NEDD9: variants seen among roughly 807,000 people sequenced by gnomAD.
The protein encoded by NEDD9 is enhancer of filamentation 1.
A neutral mutation model predicts 76.6 loss-of-function variants in NEDD9; 26 were observed. That is an observed-to-expected ratio of 0.34 (90% CI 0.25 to 0.47). The LOEUF is 0.47. Ranked by LOEUF, NEDD9 falls within the 20% of genes least tolerant of loss-of-function variation. The pLI, the probability that NEDD9 is intolerant of heterozygous loss-of-function variation, is 1.00. For synonymous variants in NEDD9, 392 were observed against 414.2 expected (o/e 0.95, Z 0.65); for missense variants, 937 against 1,058.5 (o/e 0.89, Z 1.59).
chr6:11,362,067 C>A (rs919302443), intron 1 of NEDD9, among the ~76,000 whole-genome samples: 1 of 152,142 alleles, frequency 6.6e-6, no homozygotes, highest in African/African-American at 2.4e-5. Context: ...AAGTCCCAAC[C>A]CGCAATGTGA....
At chr6:11,335,213 A>G (rs1762131512) in intron 1 of NEDD9, among the ~76,000 whole-genome samples, 1 of 152,214 alleles carries the variant, frequency 6.6e-6, no homozygotes, top group East Asian at 1.9e-4. Context: ...GTGACATGCA[A>G]TGAAAAGTGG....
chr6:11,295,153 G>A (rs747577330), intron 3 of NEDD9, among the ~76,000 whole-genome samples: 1 of 151,992 alleles, frequency 6.6e-6, no homozygotes, highest in Non-Finnish European at 1.5e-5. Flanking sequence ...TTAGCAGTGT[G>A]AGAACAGACT....
At chr6:11,369,983 C>T (rs751664236) in intron 1 of NEDD9, among the ~76,000 whole-genome samples, 1 of 152,198 alleles carries the variant, frequency 6.6e-6, no homozygotes, top group Non-Finnish European at 1.5e-5. Flanking sequence ...CCAAGTGGCT[C>T]TTCTGTGCAA....
intron 2 of NEDD9, among the ~76,000 whole-genome samples, chr6:11,314,378 A>C (rs1040671766): frequency 3.4e-4 from 52 of 152,186 alleles, no homozygotes; most frequent in Non-Finnish European, 5.9e-5. Context: ...TAGGAAAGGA[A>C]AATAACTTCC....
chr6:11,351,870 A>C (rs1387958888), intron 1 of NEDD9, among the ~76,000 whole-genome samples: 1 of 152,224 alleles, frequency 6.6e-6, no homozygotes, highest in Non-Finnish European at 1.5e-5. Context: ...TCAGCCATGA[A>C]TCTAGCAGTG....
intron 1 of NEDD9, among the ~76,000 whole-genome samples, chr6:11,214,906 CTTTA>C (rs1758905177): frequency 6.6e-6 from 1 of 152,152 alleles, no homozygotes; most frequent in African/African-American, 2.4e-5. Flanking sequence ...AGGTTCATGA[CTTTA>C]TTTTATACCA....
chr6:11,321,141 G>A, intron 2 of NEDD9, among the ~76,000 whole-genome samples: 1 of 137,032 alleles, frequency 7.3e-6, no homozygotes, highest in Non-Finnish European at 1.5e-5. Flanking sequence ...AGGAAGAAGG[G>A]AGGGACAGAA....
chr6:11,245,048 C>T (rs1205003674), intron 3 of NEDD9, among the ~76,000 whole-genome samples: 1 of 152,176 alleles, frequency 6.6e-6, no homozygotes, highest in Non-Finnish European at 1.5e-5. Flanking sequence ...CCTTTGCACC[C>T]CCTGTGGCAG....
At chr6:11,274,759 G>A (rs556601309) in intron 3 of NEDD9, among the ~76,000 whole-genome samples, 325 of 152,238 alleles carry the variant, frequency 2.1e-3, no homozygotes, top group African/African-American at 6.6e-3. Context: ...CCTTACACAC[G>A]GCTGGGGAAA....
chr6:11,248,914 C>T (rs1040326727), intron 3 of NEDD9: 9 of 347,240 alleles, frequency 2.6e-5, no homozygotes, highest in African/African-American at 1.9e-4. Flanking sequence ...CCCTCTCCTC[C>T]ATCTGATCAT....
At chr6:11,218,951 G>A (rs1039778265) in intron 1 of NEDD9, among the ~76,000 whole-genome samples, 4 of 152,204 alleles carry the variant, frequency 2.6e-5, no homozygotes, top group Non-Finnish European at 4.4e-5. Context: ...CCATCCCAGT[G>A]AGATTAAACA....
chr6:11,191,337 A>G, intron 4 of NEDD9, 132 bp from the exon 5 acceptor site: 2 of 921,792 alleles, frequency 2.2e-6, no homozygotes, highest in East Asian at 5.3e-5. Flanking sequence ...GGCACTTCCA[A>G]GGTTCCCCGT....
chr6:11,367,626 C>T (rs993257598), intron 1 of NEDD9, among the ~76,000 whole-genome samples: 2 of 152,174 alleles, frequency 1.3e-5, no homozygotes, highest in African/African-American at 4.8e-5. Flanking sequence ...TACAGACTGT[C>T]ATTAGGTTTA....
intron 1 of NEDD9, among the ~76,000 whole-genome samples, chr6:11,372,994 C>T (rs970642214): frequency 6.6e-6 from 1 of 152,096 alleles, no homozygotes; most frequent in African/African-American, 2.4e-5. Flanking sequence ...GTCAAAAAAA[C>T]TCCAAAACAC....
intron 5 of NEDD9, among the ~76,000 whole-genome samples, chr6:11,189,560 A>G (rs181206622): frequency 6.6e-6 from 1 of 152,310 alleles, no homozygotes; most frequent in Non-Finnish European, 1.5e-5. Context: ...AAAATATTGC[A>G]TGGAACTATA....
intron 1 of NEDD9, among the ~76,000 whole-genome samples, chr6:11,334,722 C>G (rs763385872): frequency 8.5e-5 from 13 of 152,284 alleles, no homozygotes; most frequent in Admixed American, 2.6e-4. Context: ...TTACTACTTG[C>G]TGTTTATTTT....
chr6:11,309,170 T>C (rs1761289485), intron 2 of NEDD9, among the ~76,000 whole-genome samples: 1 of 152,226 alleles, frequency 6.6e-6, no homozygotes, highest in African/African-American at 2.4e-5. Context: ...CATATGATCT[T>C]TTGTGTCAGC....
intron 1 of NEDD9, among the ~76,000 whole-genome samples, chr6:11,335,361 C>T (rs1054950675): frequency 1.3e-5 from 2 of 152,226 alleles, no homozygotes; most frequent in Non-Finnish European, 2.9e-5. Flanking sequence ...TGATCCACTA[C>T]AGCTTTCTGA....
chr6:11,313,343 T>C (rs1761434700), intron 2 of NEDD9, among the ~76,000 whole-genome samples: 1 of 150,348 alleles, frequency 6.7e-6, no homozygotes, highest in Admixed American at 6.6e-5. Context: ...GGATAGATAG[T>C]GGATGGATGG....
Sources: allele counts gnomAD v4.1 joint callset (sites outside exome capture counted in the v4.1 genomes callset), GRCh38; gene constraint gnomAD v4.1.1; transcripts MANE v1.5; gene names NCBI Gene and HGNC (gene_info 2026-07-23, HGNC 2026-07-21).